WDR45B: variants seen among roughly 807,000 people sequenced by gnomAD.
WDR45B encodes WD repeat domain phosphoinositide-interacting protein 3.
A neutral mutation model predicts 44.6 loss-of-function variants in WDR45B; 20 were observed. That is an observed-to-expected ratio of 0.45 (90% CI 0.32 to 0.65). The LOEUF (loss-of-function observed/expected upper bound fraction) is 0.65, where lower values mean the gene tolerates loss of function less well. Among genes scored for constraint, WDR45B ranks in the 30% least tolerant of loss-of-function variants. The pLI is 0.05. For missense variants in WDR45B, 323 were observed against 430.2 expected (o/e 0.75, Z 2.20); for synonymous variants, 169 against 164.9 (o/e 1.02, Z -0.19).
At chr17:82,643,912 A>G in intron 2 of WDR45B, 37 bp downstream of exon 2, 1 of 1,604,990 alleles carries the variant, frequency 6.2e-7, no homozygotes. Flanking sequence ...GAGGGTTGGA[A>G]AGGGGAGAAA....
chr17:82,640,425 A>T (rs1459608895), intron 2 of WDR45B, among the ~76,000 whole-genome samples: 4 of 149,504 alleles, frequency 2.7e-5, no homozygotes, highest in Non-Finnish European at 5.9e-5. Context: ...ATCTCGGCTC[A>T]CTGCAACCTC....
chr17:82,641,200 C>T (rs1306299629), intron 2 of WDR45B, among the ~76,000 whole-genome samples: 1 of 152,212 alleles, frequency 6.6e-6, no homozygotes, highest in South Asian at 2.1e-4. Flanking sequence ...CTCCTGAGCT[C>T]AGGCAATCTG....
chr17:82,623,507 C>T lies in WDR45B; in HGVS notation c.428-1708G>A, dbSNP rs1229557038. Among the ~76,000 whole-genome samples, 3 of 151,832 alleles carry T rather than the reference C, an allele frequency of 2.0e-5. No individual in the cohort carries two copies. In the East Asian group the frequency reaches 5.8e-4, roughly 29 times the overall value. On this transcript the variant is annotated intron_variant, in intron 5 of 9. Coordinates refer to ENST00000392325, the MANE Select transcript of WDR45B (RefSeq NM_019613.4). Reference sequence around the variant, plus strand: ...ACGAGGTCAGGAGATCAAGACCAGCCTGGCCAACATGGTAAAACCCCGTCT... The same window carrying T: ...ACGAGGTCAGGAGATCAAGACCAGCTTGGCCAACATGGTAAAACCCCGTCT...
intron 2 of WDR45B, among the ~76,000 whole-genome samples, chr17:82,634,381 G>A (rs771456555): frequency 6.6e-5 from 10 of 151,728 alleles, no homozygotes; most frequent in Admixed American, 3.3e-4. Flanking sequence ...CCAGCTACTC[G>A]GGAGGCTGAG....
At position 82,615,027 on chromosome 17, in the gene WDR45B, T is replaced by C. The variant is rs1186182964; in HGVS notation, c.*892A>G. ...TCCCTCCACACCAGCGGGAACTGCA[T>C]GGACCCTCCCAGACCCTGCTCTGGC... On this transcript the variant is annotated 3_prime_UTR_variant, in exon 10 of 10. Transcript: ENST00000392325. 2 of 152,184 alleles carry C rather than the reference T, an allele frequency of 1.3e-5. No individual in the cohort carries two copies. The highest frequency in any genetic ancestry group is 2.9e-5 in the Non-Finnish European group (2 of 68,028). 9.4% of individuals were successfully genotyped at this position (152,184 alleles called of 1,614,324 possible).
intron 7 of WDR45B, 36 bp from the exon 8 acceptor site, chr17:82,617,433 G>A: frequency 6.2e-7 from 1 of 1,600,786 alleles, no homozygotes; most frequent in Non-Finnish European, 8.6e-7. Flanking sequence ...GGCCTTGTGT[G>A]GATGTGGAGG....
rs919285445 is a variant in WDR45B, at chr17:82,627,219, T to C, written c.317A>G (p.Lys106Arg). The C allele has an allele frequency of 6.8e-6, 11 of 1,613,472 alleles. No homozygotes were observed. Among genetic ancestry groups the C allele is most frequent in the Non-Finnish European group, 8.5e-6 (10 of 1,179,914 alleles). Residue 106 changes from lysine (K) to arginine (R), a missense_variant, in exon 4 of 10, where the codon AAG becomes AGG. Transcript: ENST00000392325. ...IEFSTEVKAV[K>R]LRRDRIVVVL... ...CCAAACCCACCTATCTCGCCGCAGC[T>C]TGACTGCCTTGACTTCTGTAGAAAA...
intron 4 of WDR45B, chr17:82,625,778 A>G (rs2045688234): frequency 2.4e-6 from 1 of 424,498 alleles, no homozygotes; most frequent in Non-Finnish European, 4.4e-6. Flanking sequence ...TTCAGAACCG[A>G]GCAAAACAGA....
intron 2 of WDR45B, among the ~76,000 whole-genome samples, chr17:82,634,000 A>C (rs1193768050): frequency 6.6e-6 from 1 of 151,136 alleles, no homozygotes; most frequent in East Asian, 1.9e-4. Context: ...AATTCAAAAA[A>C]ATTAGCCAGG....
intron 2 of WDR45B, among the ~76,000 whole-genome samples, chr17:82,638,820 A>T (rs534022113): frequency 6.6e-6 from 1 of 152,116 alleles, no homozygotes; most frequent in Admixed American, 6.5e-5. Flanking sequence ...CTGTGAAACA[A>T]CATCATTTAT....
Position 82,614,979 on chromosome 17 carries a change from C to T in WDR45B, c.*940G>A, listed in dbSNP as rs2045511411. 6.6e-6 allele frequency: 1 copy of T among 152,152 alleles called. No homozygotes were observed. Among genetic ancestry groups the T allele is most frequent in the Non-Finnish European group, 1.5e-5 (1 of 68,032 alleles). 9.4% of individuals were successfully genotyped at this position (152,152 alleles called of 1,614,324 possible). Reference sequence around the variant, plus strand: ...GGAGGGGAGACGGTGGACCTGGGGGCTCGGAGGCCAGACCAGGGCATTTCC... The same window carrying T: ...GGAGGGGAGACGGTGGACCTGGGGGTTCGGAGGCCAGACCAGGGCATTTCC... On this transcript the variant is annotated 3_prime_UTR_variant, in exon 10 of 10. Transcript: ENST00000392325.
intron 9 of WDR45B, 128 bp downstream of exon 9, chr17:82,616,396 G>A (rs1477941109): frequency 4.6e-5 from 67 of 1,456,464 alleles, no homozygotes; most frequent in Non-Finnish European, 6.4e-5. Flanking sequence ...GGAGAAATAA[G>A]GGGAACTGGG....
rs551102483 is a variant in WDR45B at position 82,619,320 on chromosome 17, C to T, written c.619-192G>A. Reference sequence around the variant, plus strand: ...CCCCTGAGAACGAGTTGGTTGGTGGCTCCTGGTCCCACGGCACTGGGCACA... The same window carrying T: ...CCCCTGAGAACGAGTTGGTTGGTGGTTCCTGGTCCCACGGCACTGGGCACA... On this transcript the variant is annotated intron_variant, in intron 6 of 9. Coordinates refer to ENST00000392325, the MANE Select transcript of WDR45B (RefSeq NM_019613.4). Among the ~76,000 whole-genome samples the T allele has an allele frequency of 5.3e-5, 8 of 152,254 alleles. No individual in the cohort carries two copies. The South Asian group carries it at 1.7e-3, about 32-fold the overall frequency.
chr17:82,647,642 T>G (rs947235035), intron 1 of WDR45B, among the ~76,000 whole-genome samples: 2 of 148,760 alleles, frequency 1.3e-5, no homozygotes, highest in Non-Finnish European at 1.5e-5. Flanking sequence ...CGAAGAAAAA[T>G]CCCGGGGAGT....
Position 82,639,849 on chromosome 17 carries a change from C to T in WDR45B, c.142+4100G>A, listed in dbSNP as rs1194173739. On this transcript the variant is annotated intron_variant, in intron 2 of 9. Coordinates refer to ENST00000392325, the MANE Select transcript of WDR45B (RefSeq NM_019613.4). ...TCGGGAGGGCTGCCGGGCTGTGTGT[C>T]GGGTCAGGTGGGCTGCCGAGCTGTG... is the stretch of plus-strand genomic sequence containing the variant. Among the ~76,000 whole-genome samples the T allele has an allele frequency of 6.8e-5, 8 of 117,914 alleles. No homozygotes were observed. In the East Asian group the frequency reaches 1.2e-3, roughly 17 times the overall value. 77.4% of individuals were successfully genotyped at this position (117,914 alleles called of 152,430 possible).
chr17:82,630,699 C>A (rs2306755), intron 3 of WDR45B, among the ~76,000 whole-genome samples: 57,975 of 151,982 alleles, frequency 0.38, 11,285 homozygotes, highest in East Asian at 0.46. Context: ...CTGACTGAAA[C>A]GCACGTGTTC....
At chr17:82,642,050 G>C (rs1331941521) in intron 2 of WDR45B, among the ~76,000 whole-genome samples, 1 of 152,106 alleles carries the variant, frequency 6.6e-6, no homozygotes, top group East Asian at 1.9e-4. Flanking sequence ...GGTTCTGGAG[G>C]GTGGCAGCCG....
chr17:82,633,506 A>G (rs756704671), intron 2 of WDR45B, among the ~76,000 whole-genome samples: 2 of 152,228 alleles, frequency 1.3e-5, no homozygotes, highest in Non-Finnish European at 2.9e-5. Context: ...CCACCACCTC[A>G]TACCCATGAA....
intron 4 of WDR45B, chr17:82,626,914 C>T (rs775509065): frequency 1.6e-4 from 76 of 479,574 alleles, no homozygotes; most frequent in Middle Eastern, 6.0e-4. Context: ...CTGCACATGT[C>T]GGAATGGGAC....
Sources: gnomAD v4.1 joint callset for allele counts (sites outside exome capture counted in the v4.1 genomes callset) on GRCh38, gnomAD v4.1.1 for gene constraint, MANE v1.5 for transcripts, NCBI Gene and HGNC (gene_info 2026-07-23, HGNC 2026-07-21) for gene names.